The following SLC19A3 variants were observed in gnomAD, a reference collection of about 807,000 sequenced individuals.
The protein encoded by SLC19A3 is solute carrier family 19 member 3, also known as thiamine transporter 2.
In SLC19A3, 31 loss-of-function variants were observed where a neutral mutation model predicts 40.2. The ratio of observed to expected loss-of-function variants is 0.77; its 90% CI spans 0.58 to 1.04. The LOEUF is 1.04. Among genes scored for constraint, SLC19A3 ranks in the 50% least tolerant of loss-of-function variants. SLC19A3 has a pLI of 0.00. For missense variants in SLC19A3, 592 were observed against 596.7 expected, an observed-to-expected ratio of 0.99 and a Z score of 0.08; for synonymous variants, 212 against 227.5, an observed-to-expected ratio of 0.93 and a Z score of 0.61.
Position 227,687,352 on chromosome 2 carries a change from T to G in SLC19A3, c.*45A>C, listed in dbSNP as rs755910828. 1 of 1,558,748 alleles carries G rather than the reference T, an allele frequency of 6.4e-7. No individual in the cohort carries two copies. Among genetic ancestry groups the G allele is most frequent in the Non-Finnish European group, 8.7e-7 (1 of 1,150,402 alleles). On this transcript the variant is annotated 3_prime_UTR_variant, in exon 6 of 6. Coordinates refer to ENST00000644224, the MANE Select transcript of SLC19A3 (RefSeq NM_025243.4). ...CACCCATCTCAAAATCTTTCCTTAT[T>G]ATTGCATAACTTTGAAAGCCACTGT...
intron 4 of SLC19A3, 91 bp from the exon 5 acceptor site, chr2:227,688,398 TGTCAC>T: frequency 8.3e-7 from 1 of 1,202,856 alleles, no homozygotes; most frequent in Non-Finnish European, 1.2e-6. Flanking sequence ...GGGGTATTTG[TGTCAC>T]CCACCTCCAG....
chr2:227,707,462 A>G (rs1695988958), intron 1 of SLC19A3, among the ~76,000 whole-genome samples: 1 of 151,990 alleles, frequency 6.6e-6, no homozygotes, highest in African/African-American at 2.4e-5. Context: ...GCGCACCTGT[A>G]ATCCCAGCTA....
chr2:227,714,544 T>G, intron 1 of SLC19A3: 2 of 985,348 alleles, frequency 2.0e-6, no homozygotes, highest in Non-Finnish European at 2.4e-6. Flanking sequence ...TGCCCGCCAC[T>G]ATGAAAATCC....
rs145367324 is a variant in SLC19A3, at chr2:227,691,915, T to C, written c.1173-3608A>G. On this transcript the variant is annotated intron_variant, in intron 4 of 5. Transcript: ENST00000644224. ...ACATTACAACCAATACTGCAGAAAT[T>C]TAAAGGATCATCAGTGGCTACTATG... Among the ~76,000 whole-genome samples, 137 of 152,200 alleles carry C rather than the reference T, an allele frequency of 9.0e-4. 1 individual carries two copies. In the East Asian group the frequency reaches 0.023, roughly 25 times the overall value.
rs183127958 is a variant in SLC19A3 at position 227,686,297 on chromosome 2, T to A, written c.*1100A>T. The A allele has an allele frequency of 3.1e-6, 1 of 320,338 alleles. No homozygotes were observed. The highest frequency in any genetic ancestry group is 2.2e-5 in the African/African-American group (1 of 45,016). The allele number at this position is 320,338 out of a possible 1,614,324, so 19.8% of individuals were successfully genotyped here. A position where few individuals can be genotyped will look rare whatever the true frequency, so the allele number is the denominator to read the frequency against. ...AAACCTCCTTTAAGTTTTCCTATTT[T>A]AGACAGACACCACACAGGTGCTCTT... On this transcript the variant is annotated 3_prime_UTR_variant, in exon 6 of 6. Transcript: ENST00000644224.
At chr2:227,694,859 A>G (rs1462476245) in intron 4 of SLC19A3, among the ~76,000 whole-genome samples, 1 of 152,056 alleles carries the variant, frequency 6.6e-6, no homozygotes, top group African/African-American at 2.4e-5. Context: ...GTTTGAGACC[A>G]GCCTGGGGAA....
intron 2 of SLC19A3, chr2:227,700,779 A>G (rs1337736858): frequency 1.6e-5 from 9 of 570,772 alleles, no homozygotes; most frequent in African/African-American, 3.9e-5. Flanking sequence ...TTATGGCTCA[A>G]TTTAATATGG....
intron 1 of SLC19A3, among the ~76,000 whole-genome samples, chr2:227,706,943 T>C (rs1410405575): frequency 1.3e-5 from 2 of 152,228 alleles, no homozygotes; most frequent in Non-Finnish European, 2.9e-5. Context: ...CTTGGTGGAC[T>C]TGGACGCACA....
chr2:227,688,597 T>C (rs1695109103), intron 4 of SLC19A3, among the ~76,000 whole-genome samples: 2 of 152,122 alleles, frequency 1.3e-5, no homozygotes, highest in African/African-American at 2.4e-5. Context: ...CTAATGTAGA[T>C]ACAGTTTAGA....
chr2:227,706,834 AC>A (rs1191813677), intron 1 of SLC19A3: 2 of 152,394 alleles, frequency 1.3e-5, no homozygotes, highest in Non-Finnish European at 2.9e-5. Flanking sequence ...ACGATTTGAA[AC>A]ATGCAGTGAA....
At chr2:227,700,029 C>A (rs1267124844) in intron 2 of SLC19A3, among the ~76,000 whole-genome samples, 1 of 151,858 alleles carries the variant, frequency 6.6e-6, no homozygotes, top group Non-Finnish European at 1.5e-5. Context: ...AGGCACCCGC[C>A]ATCATGCCTG....
intron 1 of SLC19A3, among the ~76,000 whole-genome samples, chr2:227,711,642 C>A (rs901635808): frequency 4.6e-5 from 7 of 151,748 alleles, no homozygotes; most frequent in Admixed American, 6.6e-5. Context: ...ATCTTCGTTA[C>A]CTAGGGACTG....
chr2:227,704,471 G>C (rs990809671), intron 1 of SLC19A3, among the ~76,000 whole-genome samples: 2 of 152,172 alleles, frequency 1.3e-5, no homozygotes, highest in African/African-American at 4.8e-5. Flanking sequence ...CATGGAGGTG[G>C]TATGGTTGTC....
At chr2:227,710,722 G>T (rs1463926934) in intron 1 of SLC19A3, among the ~76,000 whole-genome samples, 1 of 152,050 alleles carries the variant, frequency 6.6e-6, no homozygotes, top group Non-Finnish European at 1.5e-5. Context: ...ATCAAAGAGG[G>T]TCATTATGAA....
At chr2:227,712,028 C>T (rs558594726) in intron 1 of SLC19A3, among the ~76,000 whole-genome samples, 18 of 110,028 alleles carry the variant, frequency 1.6e-4, no homozygotes, top group South Asian at 5.9e-4. Flanking sequence ...CCAGCCTGGG[C>T]GACAGAATGA....
At chr2:227,714,805 C>CTTTTTTT (rs869073195) in intron 1 of SLC19A3, among the ~76,000 whole-genome samples, 47 of 79,870 alleles carry the variant, frequency 5.9e-4, no homozygotes, top group East Asian at 1.7e-3. Context: ...CCTGACTATT[C>CTTTTTTT]TTTTTTTTTT....
chr2:227,711,156 G>A (rs919184289), intron 1 of SLC19A3, among the ~76,000 whole-genome samples: 2 of 152,046 alleles, frequency 1.3e-5, no homozygotes, highest in African/African-American at 2.4e-5. Flanking sequence ...GGTGGCTCCC[G>A]CCTTTAATCC....
intron 1 of SLC19A3, among the ~76,000 whole-genome samples, chr2:227,712,322 A>G (rs1574580958): frequency 6.6e-6 from 1 of 152,274 alleles, no homozygotes; most frequent in African/African-American, 2.4e-5. Flanking sequence ...AATAGTCTTA[A>G]AAGCAATATC....
At chr2:227,711,212 G>A (rs969936954) in intron 1 of SLC19A3, among the ~76,000 whole-genome samples, 1 of 152,074 alleles carries the variant, frequency 6.6e-6, no homozygotes, top group Admixed American at 6.6e-5. Context: ...CAGGTCAGGA[G>A]TTCGAGACCA....
Sources: gnomAD v4.1 joint callset for allele counts (sites outside exome capture counted in the v4.1 genomes callset) on GRCh38, gnomAD v4.1.1 for gene constraint, MANE v1.5 for transcripts, NCBI Gene and HGNC (gene_info 2026-07-23, HGNC 2026-07-21) for gene names.